Variants in DSG3 observed in about 807,000 individuals in gnomAD.
DSG3 encodes the protein desmoglein 3.
DSG3 carries 63 observed loss-of-function variants against 85.9 expected under a neutral mutation model. The observed-to-expected ratio is 0.73, with a 90% CI of 0.60 to 0.90. DSG3 has a LOEUF of 0.90. Among genes scored for constraint, DSG3 ranks in the 40% least tolerant of loss-of-function variants. DSG3 has a pLI of 0.00. For missense variants in DSG3, 1,220 were observed against 1,219.9 expected (o/e 1.00, Z 0.00); for synonymous variants, 447 against 441.9 (o/e 1.01, Z -0.14).
Position 31,447,770 on chromosome 18 carries a change from A to G in DSG3, c.-108A>G, listed in dbSNP as rs949637254. The G allele has an allele frequency of 1.3e-5, 11 of 874,872 alleles. No individual in the cohort carries two copies. The highest frequency in any genetic ancestry group is 3.9e-5 in the South Asian group (2 of 50,724). The allele number at this position is 874,872 out of a possible 1,614,324, so 54.2% of individuals were successfully genotyped here. ...CAGACCATCTGTAGACTCCTTCGGAAAGCAGCAGAGACGCTGCAGAGGGCT... is the reference window on the plus strand; with the variant it reads ...CAGACCATCTGTAGACTCCTTCGGAGAGCAGCAGAGACGCTGCAGAGGGCT... On this transcript the variant is annotated 5_prime_UTR_variant, in exon 1 of 16. Coordinates refer to ENST00000257189, the MANE Select transcript of DSG3 (RefSeq NM_001944.3).
rs1221143201 is a variant in DSG3 at position 31,474,288 on chromosome 18, A to G, written c.2269A>G (p.Ile757Val). The change falls in exon 15 of 16, where the codon ATC (isoleucine) becomes GTC (valine). Residue 757 changes from isoleucine to valine, a missense_variant. Physicochemically the swap from Ile to Val is conservative, Grantham distance 29. Coordinates refer to ENST00000257189, the MANE Select transcript of DSG3 (RefSeq NM_001944.3). ...SGFGAATGVGICSSGQSGTMR... is the reference protein window; with the variant it reads ...SGFGAATGVGVCSSGQSGTMR... ...ATTCGGAGCAGCCACTGGAGTTGGC[A>G]TCTGTTCCTCAGGGCAGTCTGGAAC... 3.1e-6 allele frequency: 5 copies of G among 1,614,184 alleles called. No individual in the cohort carries two copies. The highest frequency in any genetic ancestry group is 4.2e-6 in the Non-Finnish European group (5 of 1,180,030).
chr18:31,455,208 A>G (rs901823074), intron 1 of DSG3, among the ~76,000 whole-genome samples: 1 of 152,148 alleles, frequency 6.6e-6, no homozygotes, highest in African/African-American at 2.4e-5. Flanking sequence ...TGTAAGTATT[A>G]CATAAAACAG....
chr18:31,454,770 G>A lies in DSG3; in HGVS notation c.49-1670G>A, dbSNP rs549362885. Among the ~76,000 whole-genome samples, 10 of 151,636 alleles carry A rather than the reference G, an allele frequency of 6.6e-5. 1 individual carries two copies. The South Asian group carries it at 2.1e-3, about 32-fold the overall frequency. On this transcript the variant is annotated intron_variant, in intron 1 of 15. Transcript: ENST00000257189. Reference sequence around the variant, plus strand: ...AGCACTTTGGGAGGCCAAGGCGGGTGGATCACCTGAGGTCAGGAGTTCGAG... The same window carrying A: ...AGCACTTTGGGAGGCCAAGGCGGGTAGATCACCTGAGGTCAGGAGTTCGAG...
intron 1 of DSG3, among the ~76,000 whole-genome samples, chr18:31,451,061 C>A (rs2072708867): frequency 6.6e-6 from 1 of 152,204 alleles, no homozygotes; most frequent in Admixed American, 6.5e-5. Flanking sequence ...TGGGGAATAA[C>A]TGTCTACTAT....
chr18:31,476,109 G>A lies in DSG3; in HGVS notation c.2849G>A (p.Gly950Asp). The A allele has an allele frequency of 1.2e-6, 2 of 1,614,176 alleles. No homozygotes were observed. The highest frequency in any genetic ancestry group is 1.7e-6 in the Non-Finnish European group (2 of 1,180,020). ...TCCCTCGTGCAACCTTCCACTGCAG[G>A]CTTTGATCCACTTCTCACACAAAAT... ...SGSLVQPSTA[G>D]FDPLLTQNVI... Residue 950 changes from glycine to aspartate, a missense_variant, in exon 16 of 16, where the codon GGC (glycine) becomes GAC (aspartate). Physicochemically the swap from Gly to Asp is moderately conservative, Grantham distance 94. Coordinates refer to ENST00000257189, the MANE Select transcript of DSG3 (RefSeq NM_001944.3).
Position 31,464,361 on chromosome 18 carries a change from A to G in DSG3, c.1250A>G (p.Asn417Ser), listed in dbSNP as rs140632761. ...TATCAAGCCATCGATGAGGACACTA[A>G]CAAAGCTGCCTCAAATGTCAAGTAA... ...GTYQAIDEDT[N>S]KAASNVKYVM... Residue 417 changes from asparagine (N) to serine (S), a missense_variant, in exon 9 of 16, where the codon AAC (asparagine) becomes AGC (serine). By Grantham distance (46) the Asn-to-Ser change is conservative. Coordinates refer to ENST00000257189, the MANE Select transcript of DSG3 (RefSeq NM_001944.3). 2 of 1,609,498 alleles carry G rather than the reference A, an allele frequency of 1.2e-6. No individual in the cohort carries two copies. Among genetic ancestry groups the G allele is most frequent in the African/African-American group, 2.7e-5 (2 of 74,768 alleles).
rs2072887680 is a variant in DSG3 at position 31,476,249 on chromosome 18, C to G, written c.2989C>G (p.Arg997Gly). ...GCTCTGTACAGAGGATCCTTGCTCC[C>G]GTCTAATATGACCAGAATGAGCTGG... ...TMLCTEDPCSRLI is the reference protein window; with the variant it reads ...TMLCTEDPCSGLI The change falls in exon 16 of 16, where the codon CGT (arginine) becomes GGT (glycine). Residue 997 changes from arginine (R) to glycine (G), a missense_variant. Arg to Gly is a moderately radical substitution (Grantham distance 125, BLOSUM62 -2). Coordinates refer to ENST00000257189, the MANE Select transcript of DSG3 (RefSeq NM_001944.3). 6.2e-7 allele frequency: 1 copy of G among 1,607,656 alleles called. No homozygotes were observed. The highest frequency in any genetic ancestry group is 8.5e-7 in the Non-Finnish European group (1 of 1,176,420).
At chr18:31,458,378 A>G (rs1277406749) in intron 3 of DSG3, 67 bp from the exon 4 acceptor site, 1 of 1,507,424 alleles carries the variant, frequency 6.6e-7, no homozygotes, top group East Asian at 2.3e-5. Flanking sequence ...AGACTATGGA[A>G]GTGGGGGTGG....
chr18:31,451,405 G>A (rs920071680), intron 1 of DSG3, among the ~76,000 whole-genome samples: 1 of 152,028 alleles, frequency 6.6e-6, no homozygotes, highest in Non-Finnish European at 1.5e-5. Flanking sequence ...AAAGAAGTTG[G>A]TGGTAGGAAA....
chr18:31,449,073 T>C (rs2072695725), intron 1 of DSG3, among the ~76,000 whole-genome samples: 1 of 152,116 alleles, frequency 6.6e-6, no homozygotes, highest in African/African-American at 2.4e-5. Flanking sequence ...TTTTTTTGTA[T>C]TGTTAGTAGA....
chr18:31,472,190 C>T, intron 12 of DSG3, 94 bp from the exon 13 acceptor site: 1 of 1,556,544 alleles, frequency 6.4e-7, no homozygotes, highest in Admixed American at 1.8e-5. Context: ...ATTTAAGATA[C>T]TGTATTTTCT....
intron 1 of DSG3, among the ~76,000 whole-genome samples, chr18:31,456,120 A>G (rs945167350): frequency 4.6e-5 from 7 of 152,210 alleles, no homozygotes; most frequent in Non-Finnish European, 1.0e-4. Context: ...AACGGTGTAT[A>G]AAGCAGCCAG....
intron 11 of DSG3, 118 bp from the exon 12 acceptor site, chr18:31,468,971 G>A (rs113372260): frequency 5.6e-6 from 8 of 1,421,350 alleles, no homozygotes; most frequent in African/African-American, 4.2e-5. Context: ...AAAACTGTGA[G>A]AAATAAATGT....
At chr18:31,456,329 G>C (rs1335255632) in intron 1 of DSG3, 111 bp from the exon 2 acceptor site, 3 of 766,104 alleles carry the variant, frequency 3.9e-6, no homozygotes, top group Non-Finnish European at 5.6e-6. Flanking sequence ...TTTTGAAATA[G>C]AAACAAATCA....
intron 4 of DSG3, among the ~76,000 whole-genome samples, 190 bp from the exon 5 acceptor site, chr18:31,458,843 T>G (rs1333183815): frequency 1.3e-5 from 2 of 152,194 alleles, no homozygotes; most frequent in Admixed American, 6.5e-5. Flanking sequence ...ATTAGCCTGG[T>G]GGAAGGGGCA....
chr18:31,462,080 T>C (rs1020717455), intron 8 of DSG3, among the ~76,000 whole-genome samples: 1 of 151,530 alleles, frequency 6.6e-6, no homozygotes, highest in African/African-American at 2.4e-5. Flanking sequence ...GTTTTTGTTT[T>C]TGTTTTTTTT....
chr18:31,470,122 T>C (rs1392067625), intron 12 of DSG3, among the ~76,000 whole-genome samples: 1 of 152,126 alleles, frequency 6.6e-6, no homozygotes, highest in Non-Finnish European at 1.5e-5. Context: ...TAGTATTTGA[T>C]TGTAAGAGGT....
chr18:31,472,591 A>C, intron 13 of DSG3, 134 bp from the exon 14 acceptor site: 3 of 1,261,720 alleles, frequency 2.4e-6, no homozygotes, highest in Non-Finnish European at 3.3e-6. Context: ...CAAATCACAG[A>C]AATGGTTATC....
At position 31,464,158 on chromosome 18, in the gene DSG3, C is replaced by CA; in HGVS notation, c.1052dup (p.Asn351LysfsTer4). The CA allele has an allele frequency of 6.2e-7, 1 of 1,614,016 alleles. No homozygotes were observed. The highest frequency in any genetic ancestry group is 8.5e-7 in the Non-Finnish European group (1 of 1,179,978). ...AAAGCGTGAAACTTAGTATTGCTGT[C>CA]AAAAACAAAGCTGAATTTCACCAAT... On this transcript the variant is annotated frameshift_variant, in exon 9 of 16. Transcript: ENST00000257189. LOFTEE classifies it high-confidence loss of function.
Sources: allele counts gnomAD v4.1 joint callset (sites outside exome capture counted in the v4.1 genomes callset), GRCh38; gene constraint gnomAD v4.1.1; transcripts MANE v1.5; gene names NCBI Gene and HGNC (gene_info 2026-07-23, HGNC 2026-07-21).